The following SEMA3C variants were observed in gnomAD, a reference collection of about 807,000 sequenced individuals.
The protein encoded by SEMA3C is semaphorin 3C.
A neutral mutation model predicts 89.4 loss-of-function variants in SEMA3C; 47 were observed. The observed-to-expected ratio is 0.53, with a 90% CI of 0.42 to 0.67. The LOEUF (loss-of-function observed/expected upper bound fraction) is 0.67. SEMA3C is among the 30% of genes least tolerant of loss of function. The probability of loss-of-function intolerance (pLI) is 0.00; values close to 1 mark genes in which losing one functional copy is unlikely to be tolerated. For synonymous variants in SEMA3C, 310 were observed against 320.2 expected (o/e 0.97, Z 0.34); for missense variants, 839 against 929.1 (o/e 0.90, Z 1.26).
chr7:80,822,990 C>T (rs545679757), intron 4 of SEMA3C, among the ~76,000 whole-genome samples: 19 of 152,126 alleles, frequency 1.2e-4, no homozygotes, highest in Non-Finnish European at 1.9e-4. Flanking sequence ...ATGATGCATG[C>T]TTTCTTTTCA....
chr7:80,820,054 CTT>C (rs768363975), intron 4 of SEMA3C, among the ~76,000 whole-genome samples: 10,014 of 123,730 alleles, frequency 0.081, 357 homozygotes, highest in Non-Finnish European at 0.096. Context: ...ATGTATGCTC[CTT>C]TTTTTTTTTT....
chr7:80,831,160 A>G (rs1488405057), intron 2 of SEMA3C, among the ~76,000 whole-genome samples: 8 of 152,214 alleles, frequency 5.3e-5, no homozygotes, highest in African/African-American at 1.9e-4. Context: ...GGAGTGACAT[A>G]CACAGACTAG....
intron 2 of SEMA3C, among the ~76,000 whole-genome samples, chr7:80,862,761 C>A (rs946149538): frequency 1.3e-5 from 2 of 152,122 alleles, no homozygotes; most frequent in African/African-American, 4.8e-5. Context: ...ACCACTGGAA[C>A]AGAATAGAGA....
chr7:80,762,570 G>C (rs1247641043), intron 13 of SEMA3C, among the ~76,000 whole-genome samples: 1 of 152,166 alleles, frequency 6.6e-6, no homozygotes, highest in Non-Finnish European at 1.5e-5. Context: ...TGTAATCCCA[G>C]CACTTTGGGA....
At chr7:80,816,364 A>G in intron 5 of SEMA3C, 1 of 152,170 alleles carries the variant, frequency 6.6e-6, no homozygotes, top group Non-Finnish European at 1.5e-5. Context: ...GAATAGATGA[A>G]AAATGTCATC....
intron 2 of SEMA3C, among the ~76,000 whole-genome samples, chr7:80,896,387 C>G (rs1361404108): frequency 2.6e-5 from 4 of 152,142 alleles, no homozygotes; most frequent in African/African-American, 9.7e-5. Flanking sequence ...TTTCTCATTT[C>G]TCTATTACTG....
intron 2 of SEMA3C, among the ~76,000 whole-genome samples, chr7:80,841,346 T>G (rs1480525054): frequency 6.6e-6 from 1 of 152,184 alleles, no homozygotes; most frequent in Non-Finnish European, 1.5e-5. Flanking sequence ...GAAAAAAGTC[T>G]TGACAAAAAT....
intron 12 of SEMA3C, among the ~76,000 whole-genome samples, chr7:80,782,694 C>A (rs1274356110): frequency 6.6e-6 from 1 of 152,148 alleles, no homozygotes; most frequent in Non-Finnish European, 1.5e-5. Flanking sequence ...GCAACTCATT[C>A]ATTCAAATAA....
intron 2 of SEMA3C, among the ~76,000 whole-genome samples, chr7:80,878,364 G>A (rs1334436514): frequency 6.6e-6 from 1 of 152,050 alleles, no homozygotes; most frequent in Non-Finnish European, 1.5e-5. Context: ...GGCAATAAGA[G>A]CAAAACTCCG....
upstream of SEMA3C, among the ~76,000 whole-genome samples, chr7:80,920,480 CAGGT>C (rs759529315): frequency 2.0e-5 from 3 of 152,166 alleles, no homozygotes; most frequent in Non-Finnish European, 4.4e-5. Flanking sequence ...AATGAAATCT[CAGGT>C]AGGAGGAAGA....
intron 2 of SEMA3C, among the ~76,000 whole-genome samples, chr7:80,872,841 T>C (rs897642664): frequency 2.3e-4 from 34 of 149,248 alleles, no homozygotes; most frequent in African/African-American, 7.9e-4. Flanking sequence ...ATTCTCATAT[T>C]GCTTCTGTGT....
intron 2 of SEMA3C, among the ~76,000 whole-genome samples, chr7:80,904,016 C>G (rs1475476166): frequency 6.6e-6 from 1 of 152,114 alleles, no homozygotes. Context: ...ATATGTTAGG[C>G]CTGATGATGT....
At chr7:80,845,802 C>T (rs1790375523) in intron 2 of SEMA3C, among the ~76,000 whole-genome samples, 1 of 152,170 alleles carries the variant, frequency 6.6e-6, no homozygotes, top group African/African-American at 2.4e-5. Flanking sequence ...GGACCCTACC[C>T]TACAAGGCAT....
At chr7:80,907,817 A>G (rs1448769842) in intron 2 of SEMA3C, among the ~76,000 whole-genome samples, 4 of 151,996 alleles carry the variant, frequency 2.6e-5, no homozygotes, top group Non-Finnish European at 4.4e-5. Context: ...TTGAGTTATG[A>G]TAACTAGCGT....
chr7:80,821,282 G>A lies in SEMA3C; in HGVS notation c.328-2864C>T, dbSNP rs183843150. 3.4e-4 allele frequency among the ~76,000 whole-genome samples: 51 copies of A among 152,202 alleles called. 1 individual carries two copies. The highest frequency in any genetic ancestry group is 7.1e-4 in the Non-Finnish European group (48 of 68,002). Reference sequence around the variant, plus strand: ...GTCCCTTTTAGAAAAATAAACTTGAGTTTTTTAAAAAAATAACCTGTTTGA... The same window carrying A: ...GTCCCTTTTAGAAAAATAAACTTGAATTTTTTAAAAAAATAACCTGTTTGA... On this transcript the variant is annotated intron_variant, in intron 4 of 17. Coordinates refer to ENST00000265361, the MANE Select transcript of SEMA3C (RefSeq NM_006379.5).
At chr7:80,811,937 T>C (rs1300690964) in intron 5 of SEMA3C, among the ~76,000 whole-genome samples, 3 of 152,214 alleles carry the variant, frequency 2.0e-5, no homozygotes, top group Non-Finnish European at 2.9e-5. Flanking sequence ...TCTAATTTCA[T>C]TGTACTTGTT....
At chr7:80,854,719 G>A (rs1212874140) in intron 2 of SEMA3C, among the ~76,000 whole-genome samples, 15 of 152,132 alleles carry the variant, frequency 9.9e-5, no homozygotes, top group South Asian at 8.3e-4. Context: ...ATCCAACAAC[G>A]AAATCCAGTT....
At chr7:80,777,978 T>C (rs1788589790) in intron 12 of SEMA3C, among the ~76,000 whole-genome samples, 1 of 152,328 alleles carries the variant, frequency 6.6e-6, no homozygotes, top group South Asian at 2.1e-4. Context: ...TCTGTCCTCA[T>C]AAAAATATCT....
intron 2 of SEMA3C, among the ~76,000 whole-genome samples, chr7:80,861,559 G>A (rs1790771542): frequency 6.6e-6 from 1 of 152,102 alleles, no homozygotes; most frequent in Non-Finnish European, 1.5e-5. Flanking sequence ...ACAAAACTGA[G>A]CACTGTTCAC....
Sources: allele counts gnomAD v4.1 joint callset (sites outside exome capture counted in the v4.1 genomes callset), GRCh38; gene constraint gnomAD v4.1.1; transcripts MANE v1.5; gene names NCBI Gene and HGNC (gene_info 2026-07-23, HGNC 2026-07-21).